Variants in ATP13A4 observed in about 807,000 individuals in gnomAD.
ATP13A4 encodes the protein ATPase 13A4.
In ATP13A4, 114 loss-of-function variants were observed where a neutral mutation model predicts 142.5. That is an observed-to-expected ratio of 0.80 (90% CI 0.69 to 0.93). The LOEUF (loss-of-function observed/expected upper bound fraction) is 0.93, where lower values mean the gene tolerates loss of function less well. Among genes scored for constraint, ATP13A4 ranks in the 40% least tolerant of loss-of-function variants. The pLI, the probability that ATP13A4 is intolerant of heterozygous loss-of-function variation, is 0.00. For synonymous variants in ATP13A4, 488 were observed against 514.8 expected (o/e 0.95, Z 0.70); for missense variants, 1,392 against 1,454.0 (o/e 0.96, Z 0.69).
chr3:193,547,795 C>T (rs75293311), intron 1 of ATP13A4, among the ~76,000 whole-genome samples: 10,274 of 152,252 alleles, frequency 0.067, 406 homozygotes, highest in Non-Finnish European at 0.087. Flanking sequence ...CTACACTTGG[C>T]TTAATGCTCT....
intron 9 of ATP13A4, among the ~76,000 whole-genome samples, chr3:193,470,343 A>C (rs201365482): frequency 6.6e-6 from 1 of 152,188 alleles, no homozygotes; most frequent in East Asian, 1.9e-4. Flanking sequence ...TTAGTCCATA[A>C]CACCCAGTTT....
rs767513474 is a variant in ATP13A4, at chr3:193,435,628, G to A, written c.2769+20C>T. 5.0e-6 allele frequency: 8 copies of A among 1,592,164 alleles called. No homozygotes were observed. The highest frequency in any genetic ancestry group is 5.2e-6 in the Non-Finnish European group (6 of 1,160,232). On this transcript the variant is annotated intron_variant, in intron 24 of 29. Coordinates refer to ENST00000342695, the MANE Select transcript of ATP13A4 (RefSeq NM_032279.4). ...TTGTTTTAGTTCACACTAACCAAGA[G>A]GCTAAGTCCCAAGTCATACCCAGTA... is the stretch of plus-strand genomic sequence containing the variant.
intron 9 of ATP13A4, among the ~76,000 whole-genome samples, chr3:193,468,080 G>C (rs796323041): frequency 1.3e-5 from 2 of 152,212 alleles, no homozygotes; most frequent in South Asian, 2.1e-4. Flanking sequence ...TCGGGAGGCT[G>C]AGGCAGGAGA....
Position 193,522,078 on chromosome 3 carries a change from G to A in ATP13A4, c.61-7207C>T, listed in dbSNP as rs998643767. Among the ~76,000 whole-genome samples, 9 of 152,292 alleles carry A rather than the reference G, an allele frequency of 5.9e-5. No homozygotes were observed. The East Asian group carries it at 7.7e-4, about 13-fold the overall frequency. On this transcript the variant is annotated intron_variant, in intron 1 of 29. Coordinates refer to ENST00000342695, the MANE Select transcript of ATP13A4 (RefSeq NM_032279.4). ...GTTAGTGACAGAGGCCACTGCCTAC[G>A]GCCATTTCAGCTGAGCTGCAGTCTG...
intron 25 of ATP13A4, among the ~76,000 whole-genome samples, chr3:193,419,548 C>A (rs1032551319): frequency 1.9e-5 from 2 of 107,210 alleles, no homozygotes; most frequent in African/African-American, 5.7e-5. Flanking sequence ...GCAGTCATAC[C>A]TCACTTCCCC....
At chr3:193,488,091 C>T (rs1051913277) in intron 7 of ATP13A4, among the ~76,000 whole-genome samples, 1 of 152,120 alleles carries the variant, frequency 6.6e-6, no homozygotes, top group South Asian at 2.1e-4. Context: ...TGGTGAAACA[C>T]CGTCTCGACT....
chr3:193,500,346 GGT>G (rs1224875126), intron 3 of ATP13A4, among the ~76,000 whole-genome samples: 215 of 152,188 alleles, frequency 1.4e-3, no homozygotes, highest in African/African-American at 5.1e-3. Flanking sequence ...CCTGCAAGAT[GGT>G]CCTTAGCATC....
chr3:193,486,691 T>C (rs1480781027), intron 7 of ATP13A4, among the ~76,000 whole-genome samples: 1 of 152,200 alleles, frequency 6.6e-6, no homozygotes, highest in African/African-American at 2.4e-5. Flanking sequence ...GTTGAAGCTA[T>C]GAGTCTGCAA....
Position 193,412,173 on chromosome 3 carries a change from C to A in ATP13A4, c.3208+5G>T. 2 of 1,592,886 alleles carry A rather than the reference C, an allele frequency of 1.3e-6. No homozygotes were observed. The highest frequency in any genetic ancestry group is 1.7e-6 in the Non-Finnish European group (2 of 1,160,684). ...TCACCTCTGATGCAGTACAGTTCTACTCACAGTTTGTATAAGTTGGCTGTC... is the reference window on the plus strand; with the variant it reads ...TCACCTCTGATGCAGTACAGTTCTAATCACAGTTTGTATAAGTTGGCTGTC... On this transcript the variant is annotated splice_donor_5th_base_variant and intron_variant, in intron 27 of 29. Transcript: ENST00000342695.
intron 1 of ATP13A4, among the ~76,000 whole-genome samples, chr3:193,585,444 A>G (rs1274237585): frequency 6.6e-6 from 1 of 151,734 alleles, no homozygotes; most frequent in Non-Finnish European, 1.5e-5. Context: ...AACAACAACA[A>G]CAACAACAAA....
chr3:193,505,047 G>A (rs1577031636), intron 2 of ATP13A4, among the ~76,000 whole-genome samples: 1 of 152,122 alleles, frequency 6.6e-6, no homozygotes, highest in Admixed American at 6.6e-5. Flanking sequence ...GCTAAGAATT[G>A]CTCAAGCCAG....
At chr3:193,582,267 G>C (rs1724564476) in intron 1 of ATP13A4, among the ~76,000 whole-genome samples, 1 of 148,414 alleles carries the variant, frequency 6.7e-6, no homozygotes, top group South Asian at 2.1e-4. Flanking sequence ...TCCTGCCTCA[G>C]CCTCCAGAGT....
In ATP13A4 at chr3:193,454,224, G is replaced by A; in HGVS notation, c.1916-12C>T. 6.3e-7 allele frequency: 1 copy of A among 1,577,314 alleles called. No homozygotes were observed. The highest frequency in any genetic ancestry group is 8.7e-7 in the Non-Finnish European group (1 of 1,146,714). ...AAAACTAGTGGGTACTGTTTAGAAA[G>A]AAACACAGGGTTAGTACGCAGTTAT... On this transcript the variant is annotated splice_polypyrimidine_tract_variant and intron_variant, in intron 16 of 29. Coordinates refer to ENST00000342695, the MANE Select transcript of ATP13A4 (RefSeq NM_032279.4).
At chr3:193,487,140 T>C (rs1249550956) in intron 7 of ATP13A4, among the ~76,000 whole-genome samples, 1 of 151,498 alleles carries the variant, frequency 6.6e-6, no homozygotes, top group Non-Finnish European at 1.5e-5. Flanking sequence ...GGATGGAGAG[T>C]GTGTTGTCCC....
chr3:193,541,475 A>C (rs1022425913), intron 1 of ATP13A4, among the ~76,000 whole-genome samples: 5 of 150,852 alleles, frequency 3.3e-5, no homozygotes, highest in Non-Finnish European at 7.4e-5. Context: ...CAGAGATATT[A>C]TCTCTGACAA....
chr3:193,547,038 A>G (rs1000056930), intron 1 of ATP13A4, among the ~76,000 whole-genome samples: 1 of 152,174 alleles, frequency 6.6e-6, no homozygotes, highest in Non-Finnish European at 1.5e-5. Flanking sequence ...TCCTCACTGG[A>G]CAAGCTAAGA....
chr3:193,573,033 T>TG (rs1407554810), intron 2 of ATP13A4, among the ~76,000 whole-genome samples: 58 of 2,188 alleles, frequency 0.027, no homozygotes, highest in African/African-American at 0.086. Context: ...TTACTCGGGG[T>TG]GGGGGGCAGG....
intron 1 of ATP13A4, among the ~76,000 whole-genome samples, chr3:193,550,298 A>T (rs1723474549): frequency 6.7e-6 from 1 of 150,080 alleles, no homozygotes; most frequent in South Asian, 2.1e-4. Flanking sequence ...AAAGTGGTGA[A>T]TTTTAGGTTT....
chr3:193,404,437 A>G (rs1244048322), intron 29 of ATP13A4, among the ~76,000 whole-genome samples: 1 of 152,156 alleles, frequency 6.6e-6, no homozygotes, highest in Non-Finnish European at 1.5e-5. Flanking sequence ...AGAACTAGTG[A>G]CATGATCTGA....
Sources: allele counts gnomAD v4.1 joint callset (sites outside exome capture counted in the v4.1 genomes callset), GRCh38; gene constraint gnomAD v4.1.1; transcripts MANE v1.5; gene names NCBI Gene and HGNC (gene_info 2026-07-23, HGNC 2026-07-21).